Variants in TTLL7 observed in about 807,000 individuals in gnomAD.
TTLL7 encodes tubulin polyglutamylase TTLL7.
A neutral mutation model predicts 120.2 loss-of-function variants in TTLL7; 53 were observed. That is an observed-to-expected ratio of 0.44 (90% CI 0.35 to 0.55). The LOEUF is 0.55. Ranked by LOEUF, TTLL7 falls within the 20% of genes least tolerant of loss-of-function variation. TTLL7 has a pLI of 0.00. For synonymous variants in TTLL7, 353 were observed against 351.7 expected (o/e 1.00, Z -0.04); for missense variants, 803 against 1,054.7 (o/e 0.76, Z 3.31).
intron 20 of TTLL7, among the ~76,000 whole-genome samples, chr1:83,875,885 T>C (rs1468054129): frequency 6.6e-6 from 1 of 151,940 alleles, no homozygotes; most frequent in Non-Finnish European, 1.5e-5. Context: ...TCCTGTGGCT[T>C]GCTTTTCCAC....
At chr1:83,882,062 G>A (rs1654540759) in intron 20 of TTLL7, among the ~76,000 whole-genome samples, 1 of 129,380 alleles carries the variant, frequency 7.7e-6, no homozygotes. Context: ...CACAGGAAGG[G>A]GAACATCACA....
chr1:83,870,119 C>G lies in TTLL7; in HGVS notation c.2544-37G>C, dbSNP rs751670596. The G allele has an allele frequency of 2.0e-6, 3 of 1,520,672 alleles. No homozygotes were observed. The East Asian group carries it at 7.4e-5, about 37-fold the overall frequency. 94.2% of individuals were successfully genotyped at this position (1,520,672 alleles called of 1,614,324 possible). On this transcript the variant is annotated intron_variant, in intron 20 of 20. Coordinates refer to ENST00000260505, the MANE Select transcript of TTLL7 (RefSeq NM_024686.6). Reference sequence around the variant, plus strand: ...GGTTAACAAATTAGATTTTTACAAGCAAATTATAACTAACTCACTAAAGGG... The same window carrying G: ...GGTTAACAAATTAGATTTTTACAAGGAAATTATAACTAACTCACTAAAGGG...
chr1:83,898,559 C>T (rs770133072), intron 18 of TTLL7, among the ~76,000 whole-genome samples: 1 of 151,910 alleles, frequency 6.6e-6, no homozygotes, highest in African/African-American at 2.4e-5. Context: ...GCTTTTGCCT[C>T]TCTAATTTCA....
At position 83,911,287 on chromosome 1, in the gene TTLL7, C is replaced by A; in HGVS notation, c.1664G>T (p.Ser555Ile). Reference sequence around the variant, plus strand: ...GTCAGATTCTGAAGAGCTGCTGCTACTATCATAACTGCTGTCACTGCTGCA... The same window carrying A: ...GTCAGATTCTGAAGAGCTGCTGCTAATATCATAACTGCTGTCACTGCTGCA... ...KYCSSDSSYD[S>I]SSSSSESDEN... Residue 555 changes from serine (S) to isoleucine (I), a missense_variant, in exon 15 of 21, where the codon AGT becomes ATT. Coordinates refer to ENST00000260505, the MANE Select transcript of TTLL7 (RefSeq NM_024686.6). 6.2e-7 allele frequency: 1 copy of A among 1,613,664 alleles called. No homozygotes were observed. The highest frequency in any genetic ancestry group is 8.5e-7 in the Non-Finnish European group (1 of 1,179,750).
intron 1 of TTLL7, among the ~76,000 whole-genome samples, chr1:83,960,071 AT>A (rs2100535120): frequency 6.6e-6 from 1 of 152,202 alleles, no homozygotes; most frequent in East Asian, 1.9e-4. Context: ...AATTCTTAAT[AT>A]AAAGAATAAA....
intron 1 of TTLL7, among the ~76,000 whole-genome samples, chr1:83,982,318 AG>A (rs1204495395): frequency 1.3e-5 from 2 of 152,202 alleles, no homozygotes; most frequent in Non-Finnish European, 2.9e-5. Flanking sequence ...ATTAGAAAAG[AG>A]AAACACTCTC....
intron 1 of TTLL7, chr1:83,979,467 A>G (rs373585490): frequency 6.6e-6 from 1 of 152,218 alleles, no homozygotes; most frequent in East Asian, 1.9e-4. Context: ...ATAATTGGGT[A>G]AGTCACAAAT....
At chr1:83,967,095 C>CT (rs941778621) in intron 1 of TTLL7, among the ~76,000 whole-genome samples, 10 of 151,988 alleles carry the variant, frequency 6.6e-5, no homozygotes, top group Non-Finnish European at 1.5e-4. Context: ...TTAAAGGGTT[C>CT]TTTCAACATG....
In TTLL7 at chr1:83,868,906, C is replaced by T. The variant is rs1490501876; in HGVS notation, c.*1056G>A. ...GCTAGTTTACATTTTATTTTTAACCCATTGGATTGTCTTCCATTTTATTTA... is the reference window on the plus strand; with the variant it reads ...GCTAGTTTACATTTTATTTTTAACCTATTGGATTGTCTTCCATTTTATTTA... On this transcript the variant is annotated 3_prime_UTR_variant, in exon 21 of 21. Transcript: ENST00000260505. 1 of 150,786 alleles carries T rather than the reference C, an allele frequency of 6.6e-6. No individual in the cohort carries two copies. The allele number at this position is 150,786 out of a possible 1,614,324, so 9.3% of individuals were successfully genotyped here.
At chr1:83,971,472 T>C (rs188130730) in intron 1 of TTLL7, among the ~76,000 whole-genome samples, 1 of 152,236 alleles carries the variant, frequency 6.6e-6, no homozygotes, top group Admixed American at 6.5e-5. Context: ...TGTACTTGCA[T>C]AGTAGGTATT....
At chr1:83,899,073 A>C (rs1656488335) in intron 18 of TTLL7, among the ~76,000 whole-genome samples, 1 of 151,946 alleles carries the variant, frequency 6.6e-6, no homozygotes. Flanking sequence ...ACTTTATAAA[A>C]ATGGAAAGTT....
At chr1:83,952,122 A>G in intron 2 of TTLL7, 65 bp downstream of exon 2, 1 of 1,550,658 alleles carries the variant, frequency 6.4e-7, no homozygotes, top group Non-Finnish European at 8.9e-7. Flanking sequence ...ATACTTTAAA[A>G]ATATTAACAG....
intron 1 of TTLL7, among the ~76,000 whole-genome samples, chr1:83,960,740 TTC>T (rs900994456): frequency 2.6e-4 from 40 of 152,228 alleles, no homozygotes; most frequent in Admixed American, 1.4e-3. Flanking sequence ...CTGCTCCTAT[TTC>T]TGTCCTTTCT....
Position 83,929,174 on chromosome 1 carries a change from C to G in TTLL7, c.1104G>C (p.Arg368Ser). The G allele has an allele frequency of 1.2e-6, 2 of 1,612,770 alleles. No individual in the cohort carries two copies. The highest frequency in any genetic ancestry group is 2.2e-5 in the South Asian group (2 of 90,986). ...TDQKIDYDVK[R>S]GVLLNALKLL... The stretch of plus-strand genomic sequence containing the variant: ...GCTTCAACGCATTTAGCAGCACTCC[C>G]CTTTTTACATCATAGTCTATTTTCT... Residue 368 changes from arginine (R) to serine (S), a missense_variant, in exon 10 of 21, where the codon AGG becomes AGC. Transcript: ENST00000260505.
chr1:83,934,557 G>A (rs1280794990), intron 8 of TTLL7, among the ~76,000 whole-genome samples: 2 of 152,172 alleles, frequency 1.3e-5, no homozygotes, highest in African/African-American at 4.8e-5. Flanking sequence ...AATATTTTCT[G>A]AGAGAAAACA....
chr1:83,889,542 C>G (rs1655268240), intron 19 of TTLL7, among the ~76,000 whole-genome samples: 2 of 152,016 alleles, frequency 1.3e-5, no homozygotes, highest in Non-Finnish European at 2.9e-5. Context: ...GTTTCCTTAT[C>G]TATAAAATAG....
chr1:83,916,931 A>G (rs1658239833), intron 14 of TTLL7, among the ~76,000 whole-genome samples: 1 of 152,030 alleles, frequency 6.6e-6, no homozygotes, highest in Non-Finnish European at 1.5e-5. Context: ...CTCTTTAAAA[A>G]AAAGAAGAAT....
At chr1:83,932,632 G>T (rs1247108074) in intron 9 of TTLL7, among the ~76,000 whole-genome samples, 1 of 151,998 alleles carries the variant, frequency 6.6e-6, no homozygotes, top group Non-Finnish European at 1.5e-5. Flanking sequence ...TCTTTGAAAT[G>T]TATTTTTAGT....
chr1:83,998,329 G>A (rs1318669502), intron 1 of TTLL7, among the ~76,000 whole-genome samples: 1 of 152,104 alleles, frequency 6.6e-6, no homozygotes, highest in Non-Finnish European at 1.5e-5. Flanking sequence ...TCTATGCCAG[G>A]ATCAATCAAA....
Sources: gnomAD v4.1 joint callset for allele counts (sites outside exome capture counted in the v4.1 genomes callset) on GRCh38, gnomAD v4.1.1 for gene constraint, MANE v1.5 for transcripts, NCBI Gene and HGNC (gene_info 2026-07-23, HGNC 2026-07-21) for gene names.